CRMP1: variants seen among roughly 807,000 people sequenced by gnomAD.
CRMP1 encodes dihydropyrimidinase-related protein 1.
In CRMP1, 19 loss-of-function variants were observed where a neutral mutation model predicts 68.3. The ratio of observed to expected loss-of-function variants is 0.28; its 90% confidence interval spans 0.19 to 0.41. The LOEUF (loss-of-function observed/expected upper bound fraction) is 0.41. Among genes scored for constraint, CRMP1 ranks in the 10% least tolerant of loss-of-function variants. CRMP1 has a pLI of 1.00. For missense variants in CRMP1, 791 were observed against 967.4 expected (o/e 0.82, Z 2.42); for synonymous variants, 439 against 399.6 (o/e 1.10, Z -1.18).
chr4:5,892,774 TGC>T lies in CRMP1; in HGVS notation c.194_195del (p.Arg65GlnfsTer64). 1 of 1,285,492 alleles carries T rather than the reference TGC, an allele frequency of 7.8e-7. No homozygotes were observed. The allele number at this position is 1,285,492 out of a possible 1,614,324, so 79.6% of individuals were successfully genotyped here. ...VGRRGSARTP[R>X]SAGRPDAVGL... ...CCGACCGCGTCGGGCCGGCCAGCGC[TGC>T]GCGGCGTGCGCGCCGAGCCGCGGCG... is the stretch of plus-strand genomic sequence containing the variant. On this transcript the variant is annotated frameshift_variant, in exon 1 of 14. Coordinates refer to ENST00000324989, the MANE Select transcript of CRMP1 (RefSeq NM_001014809.3). LOFTEE classifies it high-confidence loss of function. This position sits in a 1 kb window ranked among gnomAD's most constrained non-coding sequence, Gnocchi z 8.6.
chr4:5,828,555 C>T lies in CRMP1; in HGVS notation c.1737G>A (p.Met579Ile), dbSNP rs754346969. Residue 579 changes from methionine to isoleucine, a missense_variant, in exon 12 of 14, where the codon ATG (methionine) becomes ATA (isoleucine). Met to Ile is a conservative substitution (Grantham distance 10). This residue lies in a region of CRMP1 where 594 missense variants were observed against 763.6 expected (regional missense o/e 0.78). Coordinates refer to ENST00000324989, the MANE Select transcript of CRMP1 (RefSeq NM_001014809.3). ...ACGCCTTCCGCGGAATGAAGCGGCC[C>T]ATGCCCTTGTTGACGTTGATGTTTC... is the stretch of plus-strand genomic sequence containing the variant. Reference protein sequence around the residue: ...EDGNINVNKGMGRFIPRKAFP... With the variant: ...EDGNINVNKGIGRFIPRKAFP... The T allele has an allele frequency of 1.2e-5, 19 of 1,614,230 alleles. No individual in the cohort carries two copies. In the South Asian group the frequency reaches 1.8e-4, roughly 15 times the overall value.
At chr4:5,868,261 C>CTATCTATCTATCTATA (rs1210674102) in intron 1 of CRMP1, among the ~76,000 whole-genome samples, 7 of 111,472 alleles carry the variant, frequency 6.3e-5, no homozygotes, top group Admixed American at 4.1e-4. Flanking sequence ...GACTATATAT[C>CTATCTATCTATCTATA]TATATATATA....
intron 12 of CRMP1, among the ~76,000 whole-genome samples, chr4:5,827,710 T>C (rs182303695): frequency 2.0e-5 from 3 of 148,734 alleles, no homozygotes; most frequent in Admixed American, 1.3e-4. Flanking sequence ...ATGACACGCA[T>C]AGACATACAC....
intron 11 of CRMP1, among the ~76,000 whole-genome samples, chr4:5,835,151 C>T (rs1002173955): frequency 2.0e-5 from 3 of 152,262 alleles, no homozygotes; most frequent in Non-Finnish European, 4.4e-5. Flanking sequence ...ACACCCACTG[C>T]AGCTCCATCA....
chr4:5,883,598 A>C lies in CRMP1; in HGVS notation c.381+8991T>G, dbSNP rs1196262745. 1.3e-5 allele frequency among the ~76,000 whole-genome samples: 2 copies of C among 151,706 alleles called. No individual in the cohort carries two copies. The highest frequency in any genetic ancestry group is 2.9e-5 in the Non-Finnish European group (2 of 67,950). ...TTACAGGCACCCTTTAGTCTTTCTT[A>C]AGTTGTTTTATGTGCATGCACTTTG... On this transcript the variant is annotated intron_variant, in intron 1 of 13. Transcript: ENST00000324989. This position sits in a 1 kb window ranked among gnomAD's most constrained non-coding sequence, Gnocchi z 4.5.
In CRMP1 at chr4:5,854,637, A is replaced by G. The variant is rs1182021611; in HGVS notation, c.820+1506T>C. Among the ~76,000 whole-genome samples, 4 of 152,138 alleles carry G rather than the reference A, an allele frequency of 2.6e-5. No individual in the cohort carries two copies. The highest frequency in any genetic ancestry group is 2.9e-5 in the Non-Finnish European group (2 of 68,034). ...ACAATCAGCTATTCACATAAGGAAA[A>G]ATGTATGCAAAATGTTGAATGTAAT... On this transcript the variant is annotated intron_variant, in intron 4 of 13. Coordinates refer to ENST00000324989, the MANE Select transcript of CRMP1 (RefSeq NM_001014809.3). The surrounding 1 kb of genome is among the most constrained non-coding windows in gnomAD (Gnocchi z 4.0).
intron 9 of CRMP1, among the ~76,000 whole-genome samples, chr4:5,837,621 GCA>G (rs1720804338): frequency 1.3e-5 from 1 of 78,498 alleles, no homozygotes; most frequent in African/African-American, 6.4e-5. Context: ...AGAGCAAAAC[GCA>G]GTCTCAAAAA....
chr4:5,880,169 T>C (rs115091117), intron 1 of CRMP1, among the ~76,000 whole-genome samples: 3,027 of 152,210 alleles, frequency 0.02, 58 homozygotes, highest in South Asian at 0.046. Context: ...CTCCCTGTCA[T>C]TGGAGGTATG....
At chr4:5,844,673 C>T (rs563766959) in intron 6 of CRMP1, among the ~76,000 whole-genome samples, 19 of 152,368 alleles carry the variant, frequency 1.2e-4, no homozygotes, top group Admixed American at 1.2e-3. Context: ...ACAGCTAAAT[C>T]TCTGCTGGCA....
chr4:5,823,900 A>G (rs748220441), intron 13 of CRMP1, among the ~76,000 whole-genome samples: 1 of 152,222 alleles, frequency 6.6e-6, no homozygotes, highest in Non-Finnish European at 1.5e-5. Context: ...ATACGCAGAT[A>G]TTAAAAAGGG....
chr4:5,830,063 A>ACTAT (rs1308332723), intron 11 of CRMP1, among the ~76,000 whole-genome samples: 2 of 152,236 alleles, frequency 1.3e-5, no homozygotes, highest in East Asian at 1.9e-4. Flanking sequence ...GGTGAAAAAT[A>ACTAT]CTATCTCTAG....
At chr4:5,856,086 T>C (rs1577797896) in intron 4 of CRMP1, 57 bp downstream of exon 4, 2 of 1,594,122 alleles carry the variant, frequency 1.3e-6, no homozygotes, top group Non-Finnish European at 1.7e-6. Context: ...ACATAATCTT[T>C]GGATCTACCA....
Position 5,858,642 on chromosome 4 carries a change from T to C in CRMP1, c.656-2335A>G, listed in dbSNP as rs1250045158. On this transcript the variant is annotated intron_variant, in intron 3 of 13. Coordinates refer to ENST00000324989, the MANE Select transcript of CRMP1 (RefSeq NM_001014809.3). This position sits in a 1 kb window ranked among gnomAD's most constrained non-coding sequence, Gnocchi z 5.5. ...TCGCCTCCCAACTGGTCCAGACACATCCCATCCAGGCCACTCTATTACCGG... is the reference window on the plus strand; with the variant it reads ...TCGCCTCCCAACTGGTCCAGACACACCCCATCCAGGCCACTCTATTACCGG... 6.6e-6 allele frequency among the ~76,000 whole-genome samples: 1 copy of C among 152,020 alleles called. No individual in the cohort carries two copies. Among genetic ancestry groups the C allele is most frequent in the African/African-American group, 2.4e-5 (1 of 41,342 alleles).
chr4:5,821,173 CT>C lies in CRMP1; in HGVS notation c.*586del, dbSNP rs1718480536. 1 of 152,758 alleles carries C rather than the reference CT, an allele frequency of 6.5e-6. No homozygotes were observed. 9.5% of individuals were successfully genotyped at this position (152,758 alleles called of 1,614,324 possible). On this transcript the variant is annotated 3_prime_UTR_variant, in exon 14 of 14. Coordinates refer to ENST00000324989, the MANE Select transcript of CRMP1 (RefSeq NM_001014809.3). The surrounding 1 kb of genome is among the most constrained non-coding windows in gnomAD (Gnocchi z 4.4). Reference sequence around the variant, plus strand: ...TCTGCAACCTAGTGCAAGGCTTCCCCTGCCATTCCGAGAATTCACGGATCTC... The same window carrying C: ...TCTGCAACCTAGTGCAAGGCTTCCCCGCCATTCCGAGAATTCACGGATCTC...
chr4:5,887,219 C>A (rs916807632), intron 1 of CRMP1, among the ~76,000 whole-genome samples: 1 of 152,246 alleles, frequency 6.6e-6, no homozygotes, highest in Admixed American at 6.5e-5. Flanking sequence ...GTGTCAATAC[C>A]TCCGCCTACC....
intron 10 of CRMP1, 51 bp downstream of exon 10, chr4:5,836,714 A>G (rs1318617341): frequency 2.5e-6 from 4 of 1,613,506 alleles, no homozygotes; most frequent in Non-Finnish European, 3.4e-6. Context: ...CGGCTTTCAC[A>G]GGGCAGGTAG....
rs1005271511 is a variant in CRMP1, at chr4:5,881,193, T to C, written c.381+11396A>G. 4.6e-5 allele frequency among the ~76,000 whole-genome samples: 7 copies of C among 152,150 alleles called. No homozygotes were observed. Among genetic ancestry groups the C allele is most frequent in the Non-Finnish European group, 7.4e-5 (5 of 68,020 alleles). ...CTACAACCTCATATATCCACAAACATTGCTTTCTTCCTTTTAGCTGCTTGC... is the reference window on the plus strand; with the variant it reads ...CTACAACCTCATATATCCACAAACACTGCTTTCTTCCTTTTAGCTGCTTGC... On this transcript the variant is annotated intron_variant, in intron 1 of 13. Coordinates refer to ENST00000324989, the MANE Select transcript of CRMP1 (RefSeq NM_001014809.3). This position sits in a 1 kb window ranked among gnomAD's most constrained non-coding sequence, Gnocchi z 4.6.
Position 5,853,379 on chromosome 4 carries a change from G to A in CRMP1, c.821-1910C>T, listed in dbSNP as rs1481081502. On this transcript the variant is annotated intron_variant, in intron 4 of 13. Transcript: ENST00000324989. This position sits in a 1 kb window ranked among gnomAD's most constrained non-coding sequence, Gnocchi z 4.7. Reference sequence around the variant, plus strand: ...AGATCTCGCCATTGCACTCCAGCCTGGGTGACAGAGTAAGACTCCATCAGA... The same window carrying A: ...AGATCTCGCCATTGCACTCCAGCCTAGGTGACAGAGTAAGACTCCATCAGA... 6.6e-6 allele frequency among the ~76,000 whole-genome samples: 1 copy of A among 152,150 alleles called. No homozygotes were observed. The highest frequency in any genetic ancestry group is 1.5e-5 in the Non-Finnish European group (1 of 68,022).
At chr4:5,868,103 A>G (rs1714121303) in intron 1 of CRMP1, among the ~76,000 whole-genome samples, 1 of 151,942 alleles carries the variant, frequency 6.6e-6, no homozygotes, top group Admixed American at 6.6e-5. Context: ...GCATAAACAT[A>G]AACAAAGCTT....
Sources: allele counts gnomAD v4.1 joint callset (sites outside exome capture counted in the v4.1 genomes callset), GRCh38; gene constraint gnomAD v4.1.1; regional missense constraint gnomAD v4.1.1; non-coding constraint Gnocchi (gnomAD v3.1); transcripts MANE v1.5; gene names NCBI Gene and HGNC (gene_info 2026-07-23, HGNC 2026-07-21).